The following ZFP64 variants were observed in gnomAD, a reference collection of about 807,000 sequenced individuals.
The protein encoded by ZFP64 is ZFP64 zinc finger protein.
A neutral mutation model predicts 51.6 loss-of-function variants in ZFP64; 14 were observed. The observed-to-expected ratio is 0.27, with a 90% confidence interval of 0.18 to 0.42. The LOEUF is 0.42. Among genes scored for constraint, ZFP64 ranks in the 10% least tolerant of loss-of-function variants. The probability of loss-of-function intolerance (pLI) is 1.00; values close to 1 mark genes in which losing one functional copy is unlikely to be tolerated. For missense variants in ZFP64, 754 were observed against 906.8 expected (o/e 0.83, Z 2.16); for synonymous variants, 375 against 361.4 (o/e 1.04, Z -0.43).
intron 2 of ZFP64, among the ~76,000 whole-genome samples, chr20:52,181,524 A>G (rs1983612883): frequency 6.6e-6 from 1 of 152,220 alleles, no homozygotes; most frequent in African/African-American, 2.4e-5. Flanking sequence ...TTTAAACCCA[A>G]GTATTATCAG....
At chr20:52,096,575 G>GT (rs1429449871) in intron 7 of ZFP64, among the ~76,000 whole-genome samples, 3 of 152,216 alleles carry the variant, frequency 2.0e-5, no homozygotes, top group Non-Finnish European at 4.4e-5. Context: ...TTGGCAAAGT[G>GT]TTTTGTAAAG....
chr20:52,112,446 C>T (rs1978643444), intron 5 of ZFP64, among the ~76,000 whole-genome samples: 1 of 152,184 alleles, frequency 6.6e-6, no homozygotes, highest in Non-Finnish European at 1.5e-5. Flanking sequence ...CTCAACCCTT[C>T]TGAGTTGCAG....
At chr20:52,127,027 C>T (rs1011836584) in intron 5 of ZFP64, among the ~76,000 whole-genome samples, 5 of 151,166 alleles carry the variant, frequency 3.3e-5, no homozygotes, top group Admixed American at 1.3e-4. Context: ...TCTCAGCTCA[C>T]TGCAACCTCC....
At position 52,152,024 on chromosome 20, in the gene ZFP64, G is replaced by T; in HGVS notation, c.*122C>A. On this transcript the variant is annotated 3_prime_UTR_variant, in exon 6 of 6. Coordinates refer to ENST00000216923, the MANE Select transcript of ZFP64 (RefSeq NM_018197.3). The stretch of plus-strand genomic sequence containing the variant: ...TGCACTCCAGCCTGGGAAACAGAGC[G>T]AGACTCCGTCTCAAAAACAAAACAA... The T allele has an allele frequency of 6.9e-7, 1 of 1,449,554 alleles. No individual in the cohort carries two copies. The allele number at this position is 1,449,554 out of a possible 1,614,324, so 89.8% of individuals were successfully genotyped here.
intron 5 of ZFP64, among the ~76,000 whole-genome samples, chr20:52,130,157 C>T (rs1256386957): frequency 6.6e-6 from 1 of 152,144 alleles, no homozygotes; most frequent in Non-Finnish European, 1.5e-5. Context: ...GTCCCTCCAC[C>T]CTGCCATGGC....
At chr20:52,130,603 C>T (rs983019266) in intron 5 of ZFP64, among the ~76,000 whole-genome samples, 1 of 152,146 alleles carries the variant, frequency 6.6e-6, no homozygotes, top group Non-Finnish European at 1.5e-5. Flanking sequence ...GGAAACTTCA[C>T]ATGTTTCCAG....
chr20:52,119,733 ACAAACAAAAAAACAAC>A (rs1252152566), intron 5 of ZFP64, among the ~76,000 whole-genome samples: 1 of 151,420 alleles, frequency 6.6e-6, no homozygotes, highest in African/African-American at 2.4e-5. Flanking sequence ...CTGTCTCAAA[ACAAACAAAAAAACAAC>A]CAAACAAAAA....
Position 52,182,580 on chromosome 20 carries a change from A to G in ZFP64, c.286+4252T>C, listed in dbSNP as rs549369322. 4.6e-5 allele frequency among the ~76,000 whole-genome samples: 7 copies of G among 152,254 alleles called. No homozygotes were observed. The East Asian group carries it at 1.4e-3, about 29-fold the overall frequency. ...TAAATAATTTAAAAATTGGCTGGAT[A>G]TGGTGGCGCAGGCCTGTAGTCCCAG... On this transcript the variant is annotated intron_variant, in intron 2 of 5. Coordinates refer to ENST00000216923, the MANE Select transcript of ZFP64 (RefSeq NM_018197.3).
Position 52,098,325 on chromosome 20 carries a change from G to A in ZFP64, c.913+113C>T, listed in dbSNP as rs1302957624. The A allele has an allele frequency of 3.5e-6, 5 of 1,437,612 alleles. No homozygotes were observed. In the East Asian group the frequency reaches 1.1e-4, roughly 33 times the overall value. The allele number at this position is 1,437,612 out of a possible 1,614,324, so 89.1% of individuals were successfully genotyped here. On this transcript the variant is annotated intron_variant, in intron 6 of 8. Transcript: ENST00000361387. ...CTGTTGTGTGCTGATGTAGATACTG[G>A]CATGTTGTCAGCAAACAAGAGTAAC...
Position 52,191,368 on chromosome 20 carries a change from G to A in ZFP64, c.46+223C>T, listed in dbSNP as rs1984354785. On this transcript the variant is annotated intron_variant, in intron 1 of 5. Transcript: ENST00000216923. The surrounding 1 kb of genome is among the most constrained non-coding windows in gnomAD (Gnocchi z 4.3). ...TTCCAAGGGGTCTCGCAAGGCTGGAGAGCGCCCCCGGTCTTGCGCCAGGTC... is the reference window on the plus strand; with the variant it reads ...TTCCAAGGGGTCTCGCAAGGCTGGAAAGCGCCCCCGGTCTTGCGCCAGGTC... 6.6e-6 allele frequency among the ~76,000 whole-genome samples: 1 copy of A among 152,132 alleles called. No individual in the cohort carries two copies. Among genetic ancestry groups the A allele is most frequent in the African/African-American group, 2.4e-5 (1 of 41,444 alleles).
chr20:52,165,061 T>C lies in ZFP64; in HGVS notation c.449-304A>G, dbSNP rs1331058562. The C allele has an allele frequency of 5.7e-6, 3 of 522,286 alleles. No individual in the cohort carries two copies. In the Admixed American group the frequency reaches 6.7e-5, roughly 12 times the overall value. The allele number at this position is 522,286 out of a possible 1,614,324, so 32.4% of individuals were successfully genotyped here. A position where few individuals can be genotyped will look rare whatever the true frequency, so the allele number is the denominator to read the frequency against. On this transcript the variant is annotated intron_variant, in intron 3 of 5. Coordinates refer to ENST00000216923, the MANE Select transcript of ZFP64 (RefSeq NM_018197.3). The stretch of plus-strand genomic sequence containing the variant: ...AAATGTCAAGCTTATGAAAGATAAA[T>C]GCTTAACTGTTCTTGATTAGAGGAA...
chr20:52,122,555 G>A (rs1413110171), intron 5 of ZFP64, among the ~76,000 whole-genome samples: 2 of 150,672 alleles, frequency 1.3e-5, no homozygotes, highest in African/African-American at 4.9e-5. Context: ...AGCTGCCATA[G>A]ACAGTGATTC....
At chr20:52,139,103 G>A (rs1040945879) in intron 5 of ZFP64, among the ~76,000 whole-genome samples, 1 of 152,118 alleles carries the variant, frequency 6.6e-6, no homozygotes, top group Non-Finnish European at 1.5e-5. Flanking sequence ...AACTTAGTTC[G>A]GCCACTGTGG....
intron 5 of ZFP64, chr20:52,104,539 G>C (rs142443542): frequency 2.6e-5 from 9 of 348,146 alleles, no homozygotes; most frequent in African/African-American, 6.6e-5. Context: ...GCCCCCCACC[G>C]TCTGCCCCCA....
intron 5 of ZFP64, among the ~76,000 whole-genome samples, chr20:52,115,612 A>G (rs1205614276): frequency 1.3e-5 from 2 of 151,786 alleles, no homozygotes; most frequent in Non-Finnish European, 2.9e-5. Context: ...ACGGGGTTTC[A>G]CCATGTTGGC....
intron 2 of ZFP64, among the ~76,000 whole-genome samples, chr20:52,179,183 C>T (rs1030308522): frequency 6.6e-6 from 1 of 152,196 alleles, no homozygotes; most frequent in African/African-American, 2.4e-5. Context: ...CCTGCACAAG[C>T]TCTTATCTCT....
chr20:52,176,676 A>AT lies in ZFP64; in HGVS notation c.286+10155dup, dbSNP rs746734234. On this transcript the variant is annotated intron_variant, in intron 2 of 5. Transcript: ENST00000216923. ...AGGCGCCCGCCACCGCGCCCGGCTA[A>AT]TTTTTTGTATTTTTAGTAGAGACGG... is the stretch of plus-strand genomic sequence containing the variant. 1.3e-4 allele frequency among the ~76,000 whole-genome samples: 19 copies of AT among 150,362 alleles called. 1 individual carries two copies. In the East Asian group the frequency reaches 3.3e-3, roughly 26 times the overall value.
chr20:52,089,017 C>A (rs1332005291), intron 7 of ZFP64: 1 of 523,392 alleles, frequency 1.9e-6, no homozygotes, highest in Non-Finnish European at 3.8e-6. Context: ...CTCACTTCTT[C>A]CAAACAGCAA....
chr20:52,111,501 CA>C lies in ZFP64; in HGVS notation c.764-12915del, dbSNP rs762317234. ...AAGTGCTAGGATTACAGGCGTGAGCCACCTTGCCCAGAATCCGATTTTTTTT... is the reference window on the plus strand; with the variant it reads ...AAGTGCTAGGATTACAGGCGTGAGCCCCTTGCCCAGAATCCGATTTTTTTT... On this transcript the variant is annotated intron_variant, in intron 5 of 8. Transcript: ENST00000361387. Among the ~76,000 whole-genome samples, 33 of 151,976 alleles carry C rather than the reference CA, an allele frequency of 2.2e-4. No homozygotes were observed. The East Asian group carries it at 6.0e-3, about 28-fold the overall frequency.
Sources: allele counts gnomAD v4.1 joint callset (sites outside exome capture counted in the v4.1 genomes callset), GRCh38; gene constraint gnomAD v4.1.1; non-coding constraint Gnocchi (gnomAD v3.1); transcripts MANE v1.5; gene names NCBI Gene and HGNC (gene_info 2026-07-23, HGNC 2026-07-21).